The following CELF4 variants were observed in gnomAD, a reference collection of about 807,000 sequenced individuals.
CELF4 encodes the protein CUGBP Elav-like family member 4.
In CELF4, 18 loss-of-function variants were observed where a neutral mutation model predicts 59.9. The observed-to-expected ratio is 0.30, with a 90% CI of 0.21 to 0.45. CELF4 has a LOEUF of 0.45. CELF4 is among the 20% of genes least tolerant of loss of function. The pLI is 1.00. For missense variants in CELF4, 456 were observed against 689.0 expected (o/e 0.66, Z 3.79); for synonymous variants, 261 against 267.1 (o/e 0.98, Z 0.22).
intron 1 of CELF4, among the ~76,000 whole-genome samples, chr18:37,540,253 C>T (rs1481296108): frequency 6.6e-6 from 1 of 152,252 alleles, no homozygotes; most frequent in Non-Finnish European, 1.5e-5. Context: ...TAGGGTCCTC[C>T]CGTCCACTGG....
chr18:37,430,585 G>T (rs1012490715), intron 2 of CELF4, among the ~76,000 whole-genome samples: 1 of 152,218 alleles, frequency 6.6e-6, no homozygotes, highest in African/African-American at 2.4e-5. Context: ...GCACAGAAAC[G>T]ACCAGATAAC....
chr18:37,457,375 G>A (rs1291371031), intron 2 of CELF4, among the ~76,000 whole-genome samples: 1 of 152,144 alleles, frequency 6.6e-6, no homozygotes, highest in East Asian at 1.9e-4. Flanking sequence ...CACAGAGTCA[G>A]CTCTTTCTGG....
At chr18:37,555,967 A>AGT (rs1008479991) in intron 1 of CELF4, among the ~76,000 whole-genome samples, 1 of 151,788 alleles carries the variant, frequency 6.6e-6, no homozygotes, top group Non-Finnish European at 1.5e-5. Context: ...TGTGTGTATG[A>AGT]GTGTGTGTGT....
At chr18:37,450,745 C>T (rs1165675310) in intron 2 of CELF4, among the ~76,000 whole-genome samples, 1 of 152,120 alleles carries the variant, frequency 6.6e-6, no homozygotes. Flanking sequence ...CCCCATGGTG[C>T]ACAGCCCATC....
intron 3 of CELF4, among the ~76,000 whole-genome samples, chr18:37,320,722 T>A (rs1394088410): frequency 1.3e-5 from 2 of 152,090 alleles, no homozygotes; most frequent in Non-Finnish European, 2.9e-5. Context: ...CCAGAGGGGA[T>A]GAGGCTCAGT....
At chr18:37,381,080 A>G (rs1456703087) in intron 2 of CELF4, among the ~76,000 whole-genome samples, 1 of 137,548 alleles carries the variant, frequency 7.3e-6, no homozygotes, top group East Asian at 2.3e-4. Flanking sequence ...TACATCCATC[A>G]TCCCTCCATC....
chr18:37,492,143 T>C (rs1344247357), intron 1 of CELF4, among the ~76,000 whole-genome samples: 1 of 152,066 alleles, frequency 6.6e-6, no homozygotes, highest in Non-Finnish European at 1.5e-5. Context: ...AAACATCAGA[T>C]CCTTTAGGCC....
At position 37,414,234 on chromosome 18, in the gene CELF4, CTATCT is replaced by C. The variant is rs1603637719; in HGVS notation, c.369+71286_369+71290del. 7.3e-5 allele frequency among the ~76,000 whole-genome samples: 10 copies of C among 137,632 alleles called. No individual in the cohort carries two copies. The East Asian group carries it at 2.1e-3, about 29-fold the overall frequency. The allele number at this position is 137,632 out of a possible 152,430, so 90.3% of individuals were successfully genotyped here. A position where few individuals can be genotyped will look rare whatever the true frequency, so the allele number is the denominator to read the frequency against. ...TCTATCTATCTATCTATCTATCTAT[CTATCT>C]ATCTATCCATCCATTCATACTTGCA... On this transcript the variant is annotated intron_variant, in intron 2 of 12. Transcript: ENST00000420428.
Position 37,275,781 on chromosome 18 carries a change from C to A in CELF4, c.449-538G>T, listed in dbSNP as rs548428082. The stretch of plus-strand genomic sequence containing the variant: ...TTTGAGTATTGCCTCCTCACCCATG[C>A]CCCTTCTTATCCCTCCCTTACTCTG... On this transcript the variant is annotated intron_variant, in intron 3 of 12. Transcript: ENST00000420428. 363 of 154,430 alleles carry A rather than the reference C, an allele frequency of 2.4e-3. 1 individual carries two copies. Among genetic ancestry groups the A allele is most frequent in the Non-Finnish European group, 4.0e-3 (279 of 69,538 alleles). 9.6% of individuals were successfully genotyped at this position (154,430 alleles called of 1,614,324 possible).
At chr18:37,370,711 C>A (rs1045780679) in intron 2 of CELF4, among the ~76,000 whole-genome samples, 3 of 152,154 alleles carry the variant, frequency 2.0e-5, no homozygotes, top group South Asian at 4.1e-4. Flanking sequence ...TTCCTTAGGA[C>A]CACCCTGGAG....
At chr18:37,512,631 TCC>T (rs1422778445) in intron 1 of CELF4, among the ~76,000 whole-genome samples, 3 of 151,676 alleles carry the variant, frequency 2.0e-5, no homozygotes, top group African/African-American at 4.8e-5. Flanking sequence ...CTCCTCTTTG[TCC>T]TCTTCTTCCT....
At chr18:37,405,113 T>C (rs1279025457) in intron 2 of CELF4, among the ~76,000 whole-genome samples, 1 of 151,398 alleles carries the variant, frequency 6.6e-6, no homozygotes, top group Non-Finnish European at 1.5e-5. Flanking sequence ...GTCCTTTCCT[T>C]CAGATTCCTG....
intron 2 of CELF4, among the ~76,000 whole-genome samples, chr18:37,338,851 A>G (rs918250559): frequency 6.6e-6 from 1 of 151,780 alleles, no homozygotes; most frequent in African/African-American, 2.4e-5. Context: ...CCACATGGGC[A>G]ACCATGCCCA....
chr18:37,256,128 C>T (rs995306316), intron 11 of CELF4, among the ~76,000 whole-genome samples: 7 of 152,308 alleles, frequency 4.6e-5, no homozygotes, highest in African/African-American at 1.2e-4. Flanking sequence ...GTTCCAGGAC[C>T]GTCTTCCTTC....
intron 3 of CELF4, among the ~76,000 whole-genome samples, chr18:37,319,864 G>A (rs1016990377): frequency 6.6e-6 from 1 of 152,214 alleles, no homozygotes; most frequent in Non-Finnish European, 1.5e-5. Flanking sequence ...AGAGCCCAGG[G>A]TGTGGCAGGG....
At chr18:37,259,428 G>A (rs1257037005) in intron 10 of CELF4, among the ~76,000 whole-genome samples, 164 bp from the exon 11 acceptor site, 1 of 152,138 alleles carries the variant, frequency 6.6e-6, no homozygotes, top group Non-Finnish European at 1.5e-5. Context: ...AGAAGAGGCA[G>A]GGATGCTGAG....
At chr18:37,498,866 A>C (rs774215948) in intron 1 of CELF4, among the ~76,000 whole-genome samples, 1 of 152,136 alleles carries the variant, frequency 6.6e-6, no homozygotes, top group Non-Finnish European at 1.5e-5. Context: ...CTCTTCCAGA[A>C]TCTGTGAAAT....
chr18:37,545,963 C>A (rs2099981291), intron 1 of CELF4, among the ~76,000 whole-genome samples: 1 of 152,170 alleles, frequency 6.6e-6, no homozygotes, highest in Non-Finnish European at 1.5e-5. Flanking sequence ...AGCGTCCCAC[C>A]CAACTAGGTT....
At chr18:37,354,091 C>T (rs1002287252) in intron 2 of CELF4, among the ~76,000 whole-genome samples, 7 of 151,924 alleles carry the variant, frequency 4.6e-5, no homozygotes, top group South Asian at 2.1e-4. Context: ...AGGTCAGAGC[C>T]GGAGATGTGA....
Sources: allele counts gnomAD v4.1 joint callset (sites outside exome capture counted in the v4.1 genomes callset), GRCh38; gene constraint gnomAD v4.1.1; transcripts MANE v1.5; gene names NCBI Gene and HGNC (gene_info 2026-07-23, HGNC 2026-07-21).